CNTN4: variants seen among roughly 807,000 people sequenced by gnomAD.
The protein encoded by CNTN4 is contactin-4.
In CNTN4, 77 loss-of-function variants were observed where a neutral mutation model predicts 122.5. The ratio of observed to expected loss-of-function variants is 0.63; its 90% confidence interval spans 0.52 to 0.76. CNTN4 has a LOEUF of 0.76. Ranked by LOEUF, CNTN4 falls within the 30% of genes least tolerant of loss-of-function variation. The pLI, the probability that CNTN4 is intolerant of heterozygous loss-of-function variation, is 0.00. For missense variants in CNTN4, 1,256 were observed against 1,259.1 expected (o/e 1.00, Z 0.04); for synonymous variants, 512 against 447.0 (o/e 1.15, Z -1.83).
chr3:2,125,997 G>C (rs2034136964), intron 2 of CNTN4, among the ~76,000 whole-genome samples: 1 of 151,986 alleles, frequency 6.6e-6, no homozygotes, highest in Non-Finnish European at 1.5e-5. Context: ...CGTGATGAGT[G>C]TGATCAGCAC....
At chr3:2,637,626 G>A (rs1404565925) in intron 4 of CNTN4, among the ~76,000 whole-genome samples, 1 of 152,098 alleles carries the variant, frequency 6.6e-6, no homozygotes, top group Non-Finnish European at 1.5e-5. Flanking sequence ...TCTGCTGTCT[G>A]TGTCTCTTGG....
At chr3:2,104,244 G>C (rs997620378) in intron 2 of CNTN4, among the ~76,000 whole-genome samples, 21 of 140,506 alleles carry the variant, frequency 1.5e-4, no homozygotes, top group Non-Finnish European at 3.1e-4. Context: ...GTGTGTGTGT[G>C]TGTGTGTGTG....
chr3:2,962,279 C>T (rs749167297), intron 13 of CNTN4, among the ~76,000 whole-genome samples: 29 of 152,180 alleles, frequency 1.9e-4, no homozygotes, highest in South Asian at 4.1e-4. Flanking sequence ...TTAAGCCAGA[C>T]GCCTGGTGCA....
rs114911950 is a variant in CNTN4 at position 2,797,836 on chromosome 3, A to G, written c.359-21650A>G. Reference sequence around the variant, plus strand: ...CTAGGGTGTTAACAATGTCTGTTACACTATGACCCTTACTCACATTTCTTG... The same window carrying G: ...CTAGGGTGTTAACAATGTCTGTTACGCTATGACCCTTACTCACATTTCTTG... On this transcript the variant is annotated intron_variant, in intron 6 of 24. Coordinates refer to ENST00000418658, the MANE Select transcript of CNTN4 (RefSeq NM_175607.3). 9.1e-3 allele frequency among the ~76,000 whole-genome samples: 1,378 copies of G among 152,012 alleles called. 24 individuals are homozygous for G. Among genetic ancestry groups the G allele is most frequent in the African/African-American group, 0.032 (1,328 of 41,464 alleles).
chr3:2,469,642 G>A (rs1487747414), intron 3 of CNTN4, among the ~76,000 whole-genome samples: 2 of 152,146 alleles, frequency 1.3e-5, no homozygotes, highest in Non-Finnish European at 2.9e-5. Flanking sequence ...TGTTTGGAGG[G>A]AATGGCCATT....
chr3:2,845,109 A>G (rs954741316), intron 7 of CNTN4, among the ~76,000 whole-genome samples: 8 of 152,204 alleles, frequency 5.3e-5, no homozygotes, highest in African/African-American at 1.9e-4. Context: ...AACTAGGTGC[A>G]ATCCTTTGGA....
chr3:2,368,096 G>T (rs372101963), intron 3 of CNTN4, among the ~76,000 whole-genome samples: 4 of 144,960 alleles, frequency 2.8e-5, no homozygotes, highest in African/African-American at 1.0e-4. Context: ...GCAGTGGCGC[G>T]ATCTCGGCTC....
At chr3:2,561,242 A>G (rs6771890) in intron 3 of CNTN4, among the ~76,000 whole-genome samples, 2 of 152,102 alleles carry the variant, frequency 1.3e-5, no homozygotes, top group Non-Finnish European at 2.9e-5. Context: ...TGCTTCATTA[A>G]CAGTCATTTA....
At chr3:2,555,508 C>T (rs1028681085) in intron 3 of CNTN4, among the ~76,000 whole-genome samples, 1 of 152,168 alleles carries the variant, frequency 6.6e-6, no homozygotes, top group Non-Finnish European at 1.5e-5. Flanking sequence ...GATAACTTCT[C>T]TAATAAGAGA....
chr3:2,504,187 A>G (rs533687888), intron 3 of CNTN4, among the ~76,000 whole-genome samples: 1 of 152,238 alleles, frequency 6.6e-6, no homozygotes, highest in South Asian at 2.1e-4. Context: ...TATTTTTAGC[A>G]CTAGTAGATA....
chr3:2,338,945 C>G (rs1395147185), intron 2 of CNTN4, among the ~76,000 whole-genome samples: 1 of 152,084 alleles, frequency 6.6e-6, no homozygotes, highest in African/African-American at 2.4e-5. Flanking sequence ...TGATGACCTT[C>G]TCAAAAGTCA....
rs1482309207 is a variant in CNTN4, at chr3:2,895,829, T to TCGAGA, written c.941-4854_941-4850dup. ...GCGGGCGGATCACAAGGTCAGGAGA[T>TCGAGA]CGAGACCATCCTGGCTAACAGGGTG... On this transcript the variant is annotated intron_variant, in intron 10 of 24. Transcript: ENST00000418658. Among the ~76,000 whole-genome samples the TCGAGA allele has an allele frequency of 6.6e-5, 10 of 152,270 alleles. No homozygotes were observed. In the East Asian group the frequency reaches 1.9e-3, roughly 29 times the overall value.
chr3:2,807,954 C>T (rs950624979), intron 6 of CNTN4, among the ~76,000 whole-genome samples: 1 of 152,138 alleles, frequency 6.6e-6, no homozygotes, highest in African/African-American at 2.4e-5. Context: ...ACTTGAACAT[C>T]GATCTAGTTT....
At chr3:2,538,358 G>C (rs1459663512) in intron 3 of CNTN4, among the ~76,000 whole-genome samples, 1 of 151,994 alleles carries the variant, frequency 6.6e-6, no homozygotes, top group Non-Finnish European at 1.5e-5. Flanking sequence ...CCCTAACAAA[G>C]TCATGGAGTA....
chr3:2,367,671 AC>A lies in CNTN4; in HGVS notation c.-89+28439del, dbSNP rs1455792872. ...GCTAATTTTTGTAATTTTAGTAGAG[AC>A]AGGGGTTTCACCATGTTGACCAGGC... On this transcript the variant is annotated intron_variant, in intron 3 of 24. Coordinates refer to ENST00000418658, the MANE Select transcript of CNTN4 (RefSeq NM_175607.3). Among the ~76,000 whole-genome samples the A allele has an allele frequency of 2.6e-5, 4 of 152,224 alleles. No homozygotes were observed. The East Asian group carries it at 5.8e-4, about 22-fold the overall frequency.
At chr3:2,756,815 C>G (rs1016820161) in intron 6 of CNTN4, among the ~76,000 whole-genome samples, 7 of 152,184 alleles carry the variant, frequency 4.6e-5, no homozygotes, top group Admixed American at 3.9e-4. Context: ...GGGAAAGATT[C>G]TCTCCTAGAG....
At chr3:3,040,333 T>C (rs1700037349) in intron 20 of CNTN4, 62 bp downstream of exon 20, 7 of 1,269,642 alleles carry the variant, frequency 5.5e-6, no homozygotes, top group African/African-American at 2.9e-5. Context: ...AAATGTGGAT[T>C]GTAGCACGTA....
intron 2 of CNTN4, among the ~76,000 whole-genome samples, chr3:2,303,179 C>A (rs1347543098): frequency 2.0e-5 from 3 of 152,260 alleles, no homozygotes; most frequent in East Asian, 3.9e-4. Context: ...TGGCGTAAAT[C>A]TGTGCACTTG....
In CNTN4 at chr3:2,709,122, G is replaced by A. The variant is rs144691947; in HGVS notation, c.56-27093G>A. Among the ~76,000 whole-genome samples the A allele has an allele frequency of 8.5e-3, 1,300 of 152,096 alleles. 8 individuals are homozygous for A. Among genetic ancestry groups the A allele is most frequent in the Admixed American group, 0.016 (249 of 15,282 alleles). ...GGTGGCTGAGTTTTTAAGCTAGATCGTTACAAATGAAGCCTTACCATTTGA... is the reference window on the plus strand; with the variant it reads ...GGTGGCTGAGTTTTTAAGCTAGATCATTACAAATGAAGCCTTACCATTTGA... On this transcript the variant is annotated intron_variant, in intron 4 of 24. Coordinates refer to ENST00000418658, the MANE Select transcript of CNTN4 (RefSeq NM_175607.3). This position sits in a 1 kb window ranked among gnomAD's most constrained non-coding sequence, Gnocchi z 5.0.
Sources: allele counts gnomAD v4.1 joint callset (sites outside exome capture counted in the v4.1 genomes callset), GRCh38; gene constraint gnomAD v4.1.1; non-coding constraint Gnocchi (gnomAD v3.1); transcripts MANE v1.5; gene names NCBI Gene and HGNC (gene_info 2026-07-23, HGNC 2026-07-21).